The following RGS6 variants were observed in gnomAD, a reference collection of about 807,000 sequenced individuals.
The protein encoded by RGS6 is regulator of G-protein signaling 6.
In RGS6, 30 loss-of-function variants were observed where a neutral mutation model predicts 78.5. The ratio of observed to expected loss-of-function variants is 0.38; its 90% CI spans 0.29 to 0.52. The LOEUF (loss-of-function observed/expected upper bound fraction) is 0.52. Ranked by LOEUF, RGS6 falls within the 20% of genes least tolerant of loss-of-function variation. The pLI is 0.85. For synonymous variants in RGS6, 206 were observed against 206.0 expected, an observed-to-expected ratio of 1.00 and a Z score of 0.00; for missense variants, 495 against 609.7, an observed-to-expected ratio of 0.81 and a Z score of 1.98.
At chr14:71,954,231 G>A (rs116844336) in intron 1 of RGS6, among the ~76,000 whole-genome samples, 7,264 of 151,762 alleles carry the variant, frequency 0.048, 255 homozygotes, top group Non-Finnish European at 0.071. Context: ...ATTTTGGAAA[G>A]TTCTCCGTCA....
At chr14:71,914,861 C>T in the RGS6 span, among the ~76,000 whole-genome samples, 2 of 151,888 alleles carry the variant, frequency 1.3e-5, no homozygotes, top group South Asian at 2.1e-4. Context: ...AGGCACCACT[C>T]CCTTAAGAGT....
At chr14:72,610,584 C>T in the RGS6 span, among the ~76,000 whole-genome samples, 92 of 152,332 alleles carry the variant, frequency 6.0e-4, no homozygotes, top group African/African-American at 2.0e-3. Flanking sequence ...CACTTGGCAA[C>T]GGGGAGATGA....
chr14:72,581,568 G>A, the RGS6 span, among the ~76,000 whole-genome samples: 2 of 152,182 alleles, frequency 1.3e-5, no homozygotes, highest in Non-Finnish European at 2.9e-5. Flanking sequence ...CTTAGGATGT[G>A]TGTCCAAATG....
At chr14:72,240,484 G>T (rs1348380448) in intron 2 of RGS6, among the ~76,000 whole-genome samples, 1 of 152,176 alleles carries the variant, frequency 6.6e-6, no homozygotes, top group Non-Finnish European at 1.5e-5. Context: ...GTGACTCTTG[G>T]AGCTATTAAA....
intron 17 of RGS6, among the ~76,000 whole-genome samples, chr14:72,558,739 G>A (rs2097624592): frequency 6.6e-6 from 1 of 152,194 alleles, no homozygotes; most frequent in Non-Finnish European, 1.5e-5. Context: ...CCATGAAATT[G>A]AAGGATCCCA....
At chr14:72,614,217 T>C in the RGS6 span, among the ~76,000 whole-genome samples, 1 of 152,194 alleles carries the variant, frequency 6.6e-6, no homozygotes, top group South Asian at 2.1e-4. Context: ...CAGACAGCTA[T>C]GGAGCCCACC....
At chr14:72,132,396 G>A (rs752487398) in intron 2 of RGS6, among the ~76,000 whole-genome samples, 3 of 151,376 alleles carry the variant, frequency 2.0e-5, no homozygotes, top group East Asian at 1.9e-4. Flanking sequence ...CCTTGAACTC[G>A]GCCTCCCACG....
intron 2 of RGS6, among the ~76,000 whole-genome samples, chr14:72,010,629 G>C (rs116230002): frequency 0.022 from 3,378 of 152,168 alleles, 42 homozygotes; most frequent in Middle Eastern, 0.041. Flanking sequence ...TTCTGCACTT[G>C]GCCCCAACAA....
intron 2 of RGS6, among the ~76,000 whole-genome samples, chr14:72,025,525 T>C (rs1452400802): frequency 1.1e-4 from 17 of 151,988 alleles, no homozygotes; most frequent in Admixed American, 1.1e-3. Flanking sequence ...ACAGGAAGGA[T>C]AGGAGGAATG....
At chr14:72,083,978 A>T (rs554823606) in intron 2 of RGS6, among the ~76,000 whole-genome samples, 1 of 152,210 alleles carries the variant, frequency 6.6e-6, no homozygotes, top group African/African-American at 2.4e-5. Flanking sequence ...ATTGCCAGAA[A>T]TAGTCATGTA....
At chr14:72,266,132 G>A (rs847344) in intron 2 of RGS6, among the ~76,000 whole-genome samples, 144 of 152,304 alleles carry the variant, frequency 9.5e-4, no homozygotes, top group South Asian at 5.6e-3. Flanking sequence ...GCTCCTCGCT[G>A]TATTGAAGGG....
At position 72,316,675 on chromosome 14, in the gene RGS6, T is replaced by C. The variant is rs946643745; in HGVS notation, c.85-35420T>C. 2.6e-5 allele frequency among the ~76,000 whole-genome samples: 4 copies of C among 152,218 alleles called. No homozygotes were observed. The East Asian group carries it at 7.7e-4, about 29-fold the overall frequency. On this transcript the variant is annotated intron_variant, in intron 2 of 17. Transcript: ENST00000553525. ...GGTTGGTTCCATGAGCTTGATGATA[T>C]TCTCAAATAGATTCCCTAGCCCTAG...
At chr14:72,379,346 A>AAAAT (rs1274057169) in intron 3 of RGS6, among the ~76,000 whole-genome samples, 1 of 152,040 alleles carries the variant, frequency 6.6e-6, no homozygotes, top group African/African-American at 2.4e-5. Flanking sequence ...AATTGGCAAA[A>AAAAT]AAATAAATAA....
intron 2 of RGS6, among the ~76,000 whole-genome samples, chr14:72,150,756 C>T (rs944257028): frequency 6.6e-6 from 1 of 152,104 alleles, no homozygotes; most frequent in African/African-American, 2.4e-5. Flanking sequence ...ACCACCCAGT[C>T]ACCTCCCACC....
chr14:72,249,747 G>A (rs1269834394), intron 2 of RGS6, among the ~76,000 whole-genome samples: 3 of 152,130 alleles, frequency 2.0e-5, no homozygotes, highest in African/African-American at 7.2e-5. Context: ...TAAGAGGGGT[G>A]AGAAACTGTG....
intron 2 of RGS6, among the ~76,000 whole-genome samples, chr14:72,299,492 A>G (rs1021571382): frequency 6.6e-6 from 1 of 152,260 alleles, no homozygotes; most frequent in Non-Finnish European, 1.5e-5. Context: ...TTGGGAATAT[A>G]CCTAGGGGAA....
At chr14:72,457,678 G>C (rs936804962) in intron 4 of RGS6, among the ~76,000 whole-genome samples, 1 of 152,158 alleles carries the variant, frequency 6.6e-6, no homozygotes, top group Non-Finnish European at 1.5e-5. Flanking sequence ...ATTTCTATCA[G>C]GTTAGCCTCT....
At chr14:71,985,187 G>C (rs2094643577) in intron 2 of RGS6, among the ~76,000 whole-genome samples, 1 of 151,890 alleles carries the variant, frequency 6.6e-6, no homozygotes, top group African/African-American at 2.4e-5. Context: ...GCAGTGGTGT[G>C]ATCTCGGCTC....
rs1489630461 is a variant in RGS6 at position 72,518,479 on chromosome 14, A to T, written c.1220A>T (p.Tyr407Phe). Residue 407 changes from tyrosine to phenylalanine, a missense_variant, in exon 15 of 18, where the codon TAT becomes TTT. By Grantham distance (22) the Tyr-to-Phe change is conservative. Coordinates refer to ENST00000553525, the MANE Select transcript of RGS6 (RefSeq NM_001204424.2). Reference sequence around the variant, plus strand: ...GCAATCAACCTGGATTCTCACAGCTATGAGATAACCAGTCAAAATGTCAAA... The same window carrying T: ...GCAATCAACCTGGATTCTCACAGCTTTGAGATAACCAGTCAAAATGTCAAA... Reference protein sequence around the residue: ...PSAINLDSHSYEITSQNVKDG... With the variant: ...PSAINLDSHSFEITSQNVKDG... 8 of 1,614,120 alleles carry T rather than the reference A, an allele frequency of 5.0e-6. No individual in the cohort carries two copies. In the East Asian group the frequency reaches 1.6e-4, roughly 31 times the overall value.
Sources: gnomAD v4.1 joint callset for allele counts (sites outside exome capture counted in the v4.1 genomes callset) on GRCh38, gnomAD v4.1.1 for gene constraint, MANE v1.5 for transcripts, NCBI Gene and HGNC (gene_info 2026-07-23, HGNC 2026-07-21) for gene names.